CCM2: variants seen among roughly 807,000 people sequenced by gnomAD.
CCM2 encodes the protein CCM2 scaffold protein.
A neutral mutation model predicts 44.9 loss-of-function variants in CCM2; 25 were observed. The observed-to-expected ratio is 0.56, with a 90% CI of 0.41 to 0.78. The LOEUF is 0.78. Among genes scored for constraint, CCM2 ranks in the 30% least tolerant of loss-of-function variants. The probability of loss-of-function intolerance (pLI) is 0.00; values close to 1 mark genes in which losing one functional copy is unlikely to be tolerated. For missense variants in CCM2, 481 were observed against 580.6 expected (o/e 0.83, Z 1.76); for synonymous variants, 219 against 241.1 (o/e 0.91, Z 0.85).
At chr7:45,041,535 G>A (rs1057044051) in intron 2 of CCM2, among the ~76,000 whole-genome samples, 2 of 152,150 alleles carry the variant, frequency 1.3e-5, no homozygotes, top group African/African-American at 4.8e-5. Context: ...ACACCAACAG[G>A]TACAGACAGA....
intron 1 of CCM2, among the ~76,000 whole-genome samples, chr7:45,030,784 C>T (rs1402342594): frequency 6.6e-6 from 1 of 152,022 alleles, no homozygotes; most frequent in East Asian, 1.9e-4. Flanking sequence ...AGTGCAGTGG[C>T]GTGATCTTGG....
At chr7:45,027,706 T>G in intron 1 of CCM2, 1 of 1,614,066 alleles carries the variant, frequency 6.2e-7, no homozygotes, top group South Asian at 1.1e-5. Context: ...GAGTAGAGAA[T>G]GCATAGTAGC....
chr7:45,038,744 G>A lies in CCM2; in HGVS notation c.204+318G>A, dbSNP rs560365988. On this transcript the variant is annotated intron_variant, in intron 2 of 9. Coordinates refer to ENST00000258781, the MANE Select transcript of CCM2 (RefSeq NM_031443.4). ...AGCTGGGAGAAAACTCACATCTCCT[G>A]TAGTTTGCAGTTGAAAAGAGTTACC... 2.6e-5 allele frequency among the ~76,000 whole-genome samples: 4 copies of A among 152,316 alleles called. No homozygotes were observed. In the East Asian group the frequency reaches 7.7e-4, roughly 29 times the overall value.
intron 2 of CCM2, among the ~76,000 whole-genome samples, chr7:45,046,373 A>C (rs1233824608): frequency 6.6e-6 from 1 of 152,240 alleles, no homozygotes; most frequent in Non-Finnish European, 1.5e-5. Context: ...TATCACAATC[A>C]AGACTGTGGT....
intron 1 of CCM2, among the ~76,000 whole-genome samples, chr7:45,016,616 A>C (rs1231646347): frequency 6.8e-6 from 1 of 147,790 alleles, no homozygotes; most frequent in Non-Finnish European, 1.5e-5. Context: ...GGCATGAGCC[A>C]CTGTGCCTGG....
intron 2 of CCM2, among the ~76,000 whole-genome samples, chr7:45,059,909 A>G (rs1798445188): frequency 6.6e-6 from 1 of 152,230 alleles, no homozygotes; most frequent in Admixed American, 6.5e-5. Context: ...CACTGCTTAT[A>G]ACATTGCTGT....
chr7:45,000,445 C>A, intron 1 of CCM2, 82 bp downstream of exon 1: 1 of 87,056 alleles, frequency 1.1e-5, no homozygotes, highest in Non-Finnish European at 1.8e-5. Context: ...GCGGGTGTTC[C>A]TTGGGGCCCG....
At chr7:45,056,490 G>A (rs796901548) in intron 2 of CCM2, among the ~76,000 whole-genome samples, 23 of 152,184 alleles carry the variant, frequency 1.5e-4, no homozygotes, top group African/African-American at 3.6e-4. Flanking sequence ...CCCCACCCCC[G>A]TCACTATTAA....
chr7:45,001,382 T>C (rs1015524014), intron 1 of CCM2, among the ~76,000 whole-genome samples: 1 of 152,252 alleles, frequency 6.6e-6, no homozygotes, highest in Non-Finnish European at 1.5e-5. Context: ...AAAGATGTTT[T>C]AAGTCTGGAA....
chr7:45,038,433 C>A lies in CCM2; in HGVS notation c.204+7C>A. 1 of 1,613,706 alleles carries A rather than the reference C, an allele frequency of 6.2e-7. No homozygotes were observed. The highest frequency in any genetic ancestry group is 8.5e-7 in the Non-Finnish European group (1 of 1,179,978). On this transcript the variant is annotated splice_region_variant and intron_variant, in intron 2 of 9. Coordinates refer to ENST00000258781, the MANE Select transcript of CCM2 (RefSeq NM_031443.4). ...TATTGAGAAGGAGGTAAAGGTAAGTCGTCATGGGCCACAGGACGTGCCTGC... is the reference window on the plus strand; with the variant it reads ...TATTGAGAAGGAGGTAAAGGTAAGTAGTCATGGGCCACAGGACGTGCCTGC...
At chr7:45,050,290 A>C (rs966288456) in intron 2 of CCM2, among the ~76,000 whole-genome samples, 1 of 152,224 alleles carries the variant, frequency 6.6e-6, no homozygotes, top group Non-Finnish European at 1.5e-5. Flanking sequence ...GTGTAATTAC[A>C]CTCTGTGATG....
chr7:45,049,344 CAT>C (rs1292337788), intron 2 of CCM2, among the ~76,000 whole-genome samples: 1 of 152,208 alleles, frequency 6.6e-6, no homozygotes, highest in Admixed American at 6.5e-5. Flanking sequence ...GAAAAGAAAT[CAT>C]GTGCACCCTC....
At chr7:45,037,621 T>C (rs772120216) in intron 1 of CCM2, among the ~76,000 whole-genome samples, 61 of 152,186 alleles carry the variant, frequency 4.0e-4, no homozygotes, top group Non-Finnish European at 7.6e-4. Context: ...TTTCACCATG[T>C]TGGCCAGGCT....
intron 1 of CCM2, among the ~76,000 whole-genome samples, chr7:45,030,781 TG>T (rs1318953147): frequency 1.3e-5 from 2 of 152,128 alleles, no homozygotes; most frequent in African/African-American, 4.8e-5. Flanking sequence ...TGGAGTGCAG[TG>T]GCGTGATCTT....
At chr7:45,045,053 A>C (rs1160874159) in intron 2 of CCM2, among the ~76,000 whole-genome samples, 2 of 152,212 alleles carry the variant, frequency 1.3e-5, no homozygotes, top group Admixed American at 6.5e-5. Context: ...CTGTATCAAT[A>C]TTTGTATCTT....
At position 45,068,502 on chromosome 7, in the gene CCM2, A is replaced by G; in HGVS notation, c.532A>G (p.Ser178Gly). The G allele has an allele frequency of 3.1e-6, 5 of 1,614,174 alleles. No homozygotes were observed. The highest frequency in any genetic ancestry group is 3.4e-6 in the Non-Finnish European group (4 of 1,180,032). The change falls in exon 5 of 10, where the codon AGT (serine) becomes GGT (glycine). Residue 178 changes from serine (S) to glycine (G), a missense_variant. Ser to Gly is a moderately conservative substitution (Grantham distance 56, BLOSUM62 0). Transcript: ENST00000258781. The stretch of plus-strand genomic sequence containing the variant: ...GTGTGCGGAAAGTTCCAGAGGCCTC[A>G]GTGCAGGCTCCCTGTCGGAGAGTGC... ...SLCAESSRGL[S>G]AGSLSESAVG...
At chr7:45,002,366 C>T (rs968756151) in intron 1 of CCM2, among the ~76,000 whole-genome samples, 22 of 152,266 alleles carry the variant, frequency 1.4e-4, no homozygotes, top group Middle Eastern at 3.4e-3. Context: ...CTCAGGAGTT[C>T]GAGACCAGCC....
rs1796724353 is a variant in CCM2 at position 45,027,147 on chromosome 7, C to G, written c.31-11106C>G. 4 of 193,292 alleles carry G rather than the reference C, an allele frequency of 2.1e-5. No homozygotes were observed. In the South Asian group the frequency reaches 3.7e-4, roughly 18 times the overall value. 12.0% of individuals were successfully genotyped at this position (193,292 alleles called of 1,614,324 possible). On this transcript the variant is annotated intron_variant, in intron 1 of 9. Coordinates refer to ENST00000258781, the MANE Select transcript of CCM2 (RefSeq NM_031443.4). ...TGAGGACCCGTAGAGCCCGGTGTGCCCTGCCCAAGCCCCACCTGGGAATGG... is the reference window on the plus strand; with the variant it reads ...TGAGGACCCGTAGAGCCCGGTGTGCGCTGCCCAAGCCCCACCTGGGAATGG...
chr7:45,073,679 AG>A, intron 8 of CCM2, 108 bp downstream of exon 8: 1 of 752,120 alleles, frequency 1.3e-6, no homozygotes. Flanking sequence ...GGCTGCAGTG[AG>A]TGAGGTCACC....
Sources: gnomAD v4.1 joint callset for allele counts (sites outside exome capture counted in the v4.1 genomes callset) on GRCh38, gnomAD v4.1.1 for gene constraint, MANE v1.5 for transcripts, NCBI Gene and HGNC (gene_info 2026-07-23, HGNC 2026-07-21) for gene names.